The following COL23A1 variants were observed in gnomAD, a reference collection of about 807,000 sequenced individuals.
COL23A1 encodes collagen alpha-1(XXIII) chain.
A neutral mutation model predicts 99.3 loss-of-function variants in COL23A1; 97 were observed. The ratio of observed to expected loss-of-function variants is 0.98; its 90% CI spans 0.83 to 1.16. The LOEUF (loss-of-function observed/expected upper bound fraction) is 1.16. COL23A1 is among the 50% of genes most tolerant of loss of function. COL23A1 has a pLI of 0.00. For synonymous variants in COL23A1, 320 were observed against 308.2 expected (o/e 1.04, Z -0.40); for missense variants, 762 against 757.4 (o/e 1.01, Z -0.07).
chr5:178,524,125 G>A (rs140660599), intron 2 of COL23A1, among the ~76,000 whole-genome samples: 8 of 152,282 alleles, frequency 5.3e-5, no homozygotes, highest in East Asian at 3.9e-4. Flanking sequence ...CAAAGAGAAC[G>A]TACTGCCCCT....
In COL23A1 at chr5:178,306,422, G is replaced by A. The variant is rs143208957; in HGVS notation, c.406+453C>T. Among the ~76,000 whole-genome samples, 1 of 152,048 alleles carries A rather than the reference G, an allele frequency of 6.6e-6. No homozygotes were observed. Among genetic ancestry groups the A allele is most frequent in the East Asian group, 1.9e-4 (1 of 5,152 alleles). On this transcript the variant is annotated intron_variant, in intron 3 of 28. Coordinates refer to ENST00000390654, the MANE Select transcript of COL23A1 (RefSeq NM_173465.4). The surrounding 1 kb of genome is among the most constrained non-coding windows in gnomAD (Gnocchi z 4.1). ...GGGTGGTGAATACAGGTGCCTCTGTGGGCTGCAGGGAAGGGAGGTGGGGGA... is the reference window on the plus strand; with the variant it reads ...GGGTGGTGAATACAGGTGCCTCTGTAGGCTGCAGGGAAGGGAGGTGGGGGA...
At chr5:178,318,267 C>A (rs1447517981) in intron 2 of COL23A1, among the ~76,000 whole-genome samples, 1 of 152,224 alleles carries the variant, frequency 6.6e-6, no homozygotes, top group East Asian at 1.9e-4. Flanking sequence ...TTTGAAAGCC[C>A]CCAGCCTTCG....
intron 2 of COL23A1, among the ~76,000 whole-genome samples, chr5:178,528,977 A>G (rs1033672761): frequency 6.6e-6 from 1 of 152,252 alleles, no homozygotes; most frequent in Non-Finnish European, 1.5e-5. Flanking sequence ...AACATGACCC[A>G]AAATTCAGTG....
intron 5 of COL23A1, among the ~76,000 whole-genome samples, chr5:178,277,934 G>A (rs376205198): frequency 2.6e-5 from 4 of 152,168 alleles, no homozygotes; most frequent in African/African-American, 7.2e-5. Context: ...GGATGGGACC[G>A]GCGGGCCGGG....
chr5:178,578,799 C>T (rs1267978349), intron 1 of COL23A1, among the ~76,000 whole-genome samples: 3 of 151,386 alleles, frequency 2.0e-5, no homozygotes, highest in African/African-American at 4.9e-5. Context: ...GTGTTGCCGC[C>T]ATACCGCATG....
intron 2 of COL23A1, among the ~76,000 whole-genome samples, chr5:178,557,198 C>G (rs1189568018): frequency 6.6e-6 from 1 of 152,158 alleles, no homozygotes; most frequent in Non-Finnish European, 1.5e-5. Flanking sequence ...TCACCTAGCC[C>G]TCTGGTCTGT....
intron 16 of COL23A1, among the ~76,000 whole-genome samples, chr5:178,254,306 A>G (rs950333337): frequency 6.6e-6 from 1 of 152,198 alleles, no homozygotes; most frequent in African/African-American, 2.4e-5. Flanking sequence ...CACACCATGC[A>G]TGCCTGGGGG....
intron 2 of COL23A1, among the ~76,000 whole-genome samples, chr5:178,343,720 T>C (rs987782027): frequency 6.6e-6 from 1 of 151,542 alleles, no homozygotes; most frequent in Non-Finnish European, 1.5e-5. Flanking sequence ...TGGAGCGCAG[T>C]GGCGTGATCT....
At chr5:178,534,603 ATT>A (rs1760832633) in intron 2 of COL23A1, among the ~76,000 whole-genome samples, 1 of 152,152 alleles carries the variant, frequency 6.6e-6, no homozygotes, top group Non-Finnish European at 1.5e-5. Flanking sequence ...ACATGGTGAA[ATT>A]CCATCTCTAC....
At chr5:178,296,148 C>G (rs1757729183) in intron 3 of COL23A1, among the ~76,000 whole-genome samples, 1 of 152,212 alleles carries the variant, frequency 6.6e-6, no homozygotes, top group South Asian at 2.1e-4. Context: ...TCCTCACACT[C>G]ATGTCCAAGC....
intron 2 of COL23A1, among the ~76,000 whole-genome samples, chr5:178,399,661 G>A (rs187362001): frequency 6.6e-6 from 1 of 152,276 alleles, no homozygotes; most frequent in African/African-American, 2.4e-5. Context: ...TGTGGGGAGG[G>A]TAGCAAAACA....
chr5:178,345,826 T>G (rs181930481), intron 2 of COL23A1, among the ~76,000 whole-genome samples: 73 of 152,126 alleles, frequency 4.8e-4, no homozygotes, highest in African/African-American at 1.7e-3. Context: ...CGCCCGGACT[T>G]TTTGAAACCA....
chr5:178,536,819 C>T (rs1760991153), intron 2 of COL23A1, among the ~76,000 whole-genome samples: 1 of 152,198 alleles, frequency 6.6e-6, no homozygotes, highest in Non-Finnish European at 1.5e-5. Flanking sequence ...GGAGGATGCA[C>T]ATTTGGGTCA....
intron 2 of COL23A1, among the ~76,000 whole-genome samples, chr5:178,358,192 T>C (rs1053651753): frequency 6.7e-6 from 1 of 150,166 alleles, no homozygotes; most frequent in African/African-American, 2.5e-5. Context: ...TATGTGTATG[T>C]GTGTGCATGT....
intron 1 of COL23A1, among the ~76,000 whole-genome samples, chr5:178,568,348 T>C (rs974015024): frequency 2.0e-5 from 3 of 152,044 alleles, no homozygotes; most frequent in Admixed American, 6.5e-5. Flanking sequence ...AAGGTGTAAT[T>C]TAGTTTTAAA....
chr5:178,398,639 A>G (rs903329303), intron 2 of COL23A1, among the ~76,000 whole-genome samples: 1 of 152,186 alleles, frequency 6.6e-6, no homozygotes, highest in African/African-American at 2.4e-5. Context: ...CACCAAAAAT[A>G]CTTCTCCCAG....
At chr5:178,344,359 G>A (rs1222461163) in intron 2 of COL23A1, among the ~76,000 whole-genome samples, 6 of 152,136 alleles carry the variant, frequency 3.9e-5, no homozygotes, top group African/African-American at 1.2e-4. Context: ...GTCTGTGGCC[G>A]GGCGTGGTGG....
intron 2 of COL23A1, among the ~76,000 whole-genome samples, chr5:178,495,230 G>C (rs1185986153): frequency 6.6e-6 from 1 of 152,242 alleles, no homozygotes; most frequent in African/African-American, 2.4e-5. Flanking sequence ...GTGTGGCTGA[G>C]ATGTCAGAGG....
At chr5:178,506,219 G>C (rs1758862726) in intron 2 of COL23A1, among the ~76,000 whole-genome samples, 1 of 152,190 alleles carries the variant, frequency 6.6e-6, no homozygotes, top group Non-Finnish European at 1.5e-5. Context: ...CTGGCAGTCA[G>C]GTCTCAGCCT....
Sources: allele counts gnomAD v4.1 joint callset (sites outside exome capture counted in the v4.1 genomes callset), GRCh38; gene constraint gnomAD v4.1.1; non-coding constraint Gnocchi (gnomAD v3.1); transcripts MANE v1.5; gene names NCBI Gene and HGNC (gene_info 2026-07-23, HGNC 2026-07-21).